TMEM229B: variants seen among roughly 807,000 people sequenced by gnomAD.
TMEM229B encodes the protein chromosome 14 open reading frame 83.
In TMEM229B, 6 loss-of-function variants were observed where a neutral mutation model predicts 13.7. The observed-to-expected ratio is 0.44, with a 90% confidence interval of 0.24 to 0.86. TMEM229B has a LOEUF of 0.86. Among genes scored for constraint, TMEM229B ranks in the 40% least tolerant of loss-of-function variants. TMEM229B has a pLI of 0.23. For synonymous variants in TMEM229B, 107 were observed against 102.1 expected, an observed-to-expected ratio of 1.05 and a Z score of -0.29; for missense variants, 170 against 236.0, an observed-to-expected ratio of 0.72 and a Z score of 1.83.
At chr14:67,520,141 C>T (rs2033269621), upstream of TMEM229B, among the ~76,000 whole-genome samples, 1 of 152,222 alleles carries the variant, frequency 6.6e-6, no homozygotes, top group South Asian at 2.1e-4. Context: ...GAATCCCCCA[C>T]CAGAGTCGTA....
At chr14:67,519,718 T>G (rs960731403), upstream of TMEM229B, among the ~76,000 whole-genome samples, 62 of 151,672 alleles carry the variant, frequency 4.1e-4, 1 homozygote, top group East Asian at 5.4e-3. Flanking sequence ...AAGTTTGTTT[T>G]TTTTTTTTTT....
At chr14:67,480,035 A>G (rs1313827081) in intron 2 of TMEM229B, among the ~76,000 whole-genome samples, 5 of 152,196 alleles carry the variant, frequency 3.3e-5, no homozygotes, top group Non-Finnish European at 7.3e-5. Context: ...CCTTGTAGGT[A>G]AAGTGAGGAT....
intron 1 of TMEM229B, among the ~76,000 whole-genome samples, chr14:67,487,903 C>T (rs973710015): frequency 1.3e-5 from 2 of 152,128 alleles, no homozygotes; most frequent in African/African-American, 4.8e-5. Flanking sequence ...GGATTATAGG[C>T]GTGAGCCACT....
intron 1 of TMEM229B, among the ~76,000 whole-genome samples, chr14:67,509,915 C>A (rs748740418): frequency 6.6e-6 from 1 of 152,084 alleles, no homozygotes; most frequent in African/African-American, 2.4e-5. Flanking sequence ...GAGGCTGAGG[C>A]AGGAGGATCA....
intron 1 of TMEM229B, among the ~76,000 whole-genome samples, chr14:67,509,921 G>A (rs1243428341): frequency 6.6e-6 from 1 of 152,166 alleles, no homozygotes; most frequent in Non-Finnish European, 1.5e-5. Flanking sequence ...GAGGCAGGAG[G>A]ATCACTTGAA....
intron 1 of TMEM229B, among the ~76,000 whole-genome samples, chr14:67,529,562 C>T (rs191519373): frequency 7.3e-4 from 111 of 152,250 alleles, no homozygotes; most frequent in African/African-American, 2.3e-3. Context: ...CACATATACA[C>T]GCTCACACAC....
chr14:67,514,825 C>T (rs896395588), intron 1 of TMEM229B, among the ~76,000 whole-genome samples: 1 of 152,206 alleles, frequency 6.6e-6, no homozygotes, highest in Non-Finnish European at 1.5e-5. Flanking sequence ...AACACGCCCC[C>T]CTGTGCGCCC....
rs1279614086 is a variant in TMEM229B, at chr14:67,473,132, GTCCA to G, written c.*284_*287del. The G allele has an allele frequency of 2.2e-6, 1 of 444,936 alleles. No individual in the cohort carries two copies. Among genetic ancestry groups the G allele is most frequent in the Non-Finnish European group, 4.1e-6 (1 of 241,154 alleles). 27.6% of individuals were successfully genotyped at this position (444,936 alleles called of 1,614,324 possible). A position where few individuals can be genotyped will look rare whatever the true frequency, so the allele number is the denominator to read the frequency against. ...TGCTGCTTCCAAAGTCAACTACATA[GTCCA>G]TCGCTGCTCAGCCACAGGCCTCCTG... On this transcript the variant is annotated 3_prime_UTR_variant, in exon 3 of 3. Transcript: ENST00000554480. This position sits in a 1 kb window ranked among gnomAD's most constrained non-coding sequence, Gnocchi z 6.5.
Position 67,473,840 on chromosome 14 carries a change from T to C in TMEM229B, c.84A>G (p.Thr28=), listed in dbSNP as rs776065120. Residue 28 remains threonine, a synonymous_variant, in exon 3 of 3, where the codon ACA becomes ACG. Coordinates refer to ENST00000554480, the MANE Select transcript of TMEM229B (RefSeq NM_001348543.2). The surrounding 1 kb of genome is among the most constrained non-coding windows in gnomAD (Gnocchi z 6.5). ...AGTTCACCACGAACTCCCAGGCCGCTGTGAACATCACCTCGCAGAAGTAGC... is the reference window on the plus strand; with the variant it reads ...AGTTCACCACGAACTCCCAGGCCGCCGTGAACATCACCTCGCAGAAGTAGC... ...IHGYFCEVMF[T]AAWEFVVNLN... 1.3e-5 allele frequency: 21 copies of C among 1,613,290 alleles called. No homozygotes were observed. The highest frequency in any genetic ancestry group is 3.3e-5 in the Admixed American group (2 of 59,914).
intron 1 of TMEM229B, among the ~76,000 whole-genome samples, chr14:67,495,933 C>A (rs2032347762): frequency 6.6e-6 from 1 of 152,254 alleles, no homozygotes; most frequent in Non-Finnish European, 1.5e-5. Context: ...ACCTCAGCAC[C>A]ATCACAGCCA....
At chr14:67,522,494 T>C (rs1447738623) in intron 1 of TMEM229B, among the ~76,000 whole-genome samples, 2 of 152,156 alleles carry the variant, frequency 1.3e-5, no homozygotes, top group East Asian at 3.8e-4. Context: ...TATGCTGCTA[T>C]CTAAGCCACT....
chr14:67,474,897 C>G (rs2031072177), intron 2 of TMEM229B, among the ~76,000 whole-genome samples: 1 of 150,020 alleles, frequency 6.7e-6, no homozygotes, highest in Non-Finnish European at 1.5e-5. Context: ...TGTTGCAGCA[C>G]ATGTCAGAAT....
At chr14:67,503,743 A>G (rs2032703099) in intron 1 of TMEM229B, among the ~76,000 whole-genome samples, 1 of 152,028 alleles carries the variant, frequency 6.6e-6, no homozygotes. Context: ...TAGCTCTGTC[A>G]CCCAGGCTGG....
intron 1 of TMEM229B, among the ~76,000 whole-genome samples, chr14:67,512,583 C>T (rs1486045034): frequency 6.6e-6 from 1 of 152,192 alleles, no homozygotes; most frequent in Non-Finnish European, 1.5e-5. Context: ...CAGCCAGGCT[C>T]TGGGAGGGTT....
At chr14:67,501,541 T>C (rs1251711350) in intron 1 of TMEM229B, among the ~76,000 whole-genome samples, 1 of 152,092 alleles carries the variant, frequency 6.6e-6, no homozygotes, top group African/African-American at 2.4e-5. Context: ...AGATAAATGA[T>C]ATTTTAAAAA....
At chr14:67,502,456 C>CT (rs71129827) in intron 1 of TMEM229B, among the ~76,000 whole-genome samples, 87,729 of 137,542 alleles carry the variant, frequency 0.64, 29,945 homozygotes, top group Non-Finnish European at 0.77. Context: ...AAGGTGATTT[C>CT]TTTTTTTTTT....
At chr14:67,514,157 C>T (rs2033119880) in intron 1 of TMEM229B, among the ~76,000 whole-genome samples, 1 of 152,186 alleles carries the variant, frequency 6.6e-6, no homozygotes. Context: ...TCTTTCCCTC[C>T]AGGGAGAGCC....
chr14:67,532,062 A>G (rs1445889514), intron 1 of TMEM229B, among the ~76,000 whole-genome samples: 3 of 152,140 alleles, frequency 2.0e-5, no homozygotes, highest in Admixed American at 6.5e-5. Context: ...ATCTATCCCA[A>G]TCCCCACGAG....
chr14:67,518,646 A>T (rs1216228725), upstream of TMEM229B, among the ~76,000 whole-genome samples: 1 of 152,218 alleles, frequency 6.6e-6, no homozygotes, highest in African/African-American at 2.4e-5. Flanking sequence ...AAAGGCAAGA[A>T]CTGTTCTGCC....
Sources: gnomAD v4.1 joint callset for allele counts (sites outside exome capture counted in the v4.1 genomes callset) on GRCh38, gnomAD v4.1.1 for gene constraint, Gnocchi (gnomAD v3.1) non-coding constraint, MANE v1.5 for transcripts, NCBI Gene and HGNC (gene_info 2026-07-23, HGNC 2026-07-21) for gene names.